The following NEBL variants were observed in gnomAD, a reference collection of about 807,000 sequenced individuals.
NEBL encodes the protein LIM and SH3 protein 2.
In NEBL, 122 loss-of-function variants were observed where a neutral mutation model predicts 140.2. The observed-to-expected ratio is 0.87, with a 90% confidence interval of 0.75 to 1.01. The LOEUF (loss-of-function observed/expected upper bound fraction) is 1.01. NEBL is among the 50% of genes least tolerant of loss of function. The probability of loss-of-function intolerance (pLI) is 0.00; values close to 1 mark genes in which losing one functional copy is unlikely to be tolerated. For synonymous variants in NEBL, 436 were observed against 398.9 expected, an observed-to-expected ratio of 1.09 and a Z score of -1.11; for missense variants, 1,365 against 1,231.3, an observed-to-expected ratio of 1.11 and a Z score of -1.62.
intron 26 of NEBL, among the ~76,000 whole-genome samples, chr10:20,803,903 A>G (rs1374982716): frequency 6.6e-6 from 1 of 150,594 alleles, no homozygotes; most frequent in African/African-American, 2.4e-5. Flanking sequence ...TGTCATTGAA[A>G]CATATCAAAA....
At chr10:20,969,082 C>A (rs939070034) in intron 3 of NEBL, among the ~76,000 whole-genome samples, 6 of 152,004 alleles carry the variant, frequency 3.9e-5, no homozygotes, top group African/African-American at 1.2e-4. Context: ...TAGTTTTGTA[C>A]GTTTAAGGTC....
intron 19 of NEBL, among the ~76,000 whole-genome samples, chr10:20,822,130 T>C (rs1004158245): frequency 1.3e-5 from 2 of 152,126 alleles, no homozygotes; most frequent in African/African-American, 4.8e-5. Flanking sequence ...CAAATAACAG[T>C]TATTGTAATG....
chr10:20,934,496 A>G (rs2131545054), intron 4 of NEBL, among the ~76,000 whole-genome samples: 1 of 152,250 alleles, frequency 6.6e-6, no homozygotes, highest in East Asian at 1.9e-4. Flanking sequence ...AGCCTGTGGA[A>G]TATGGATGGA....
intron 2 of NEBL, chr10:21,113,145 G>A: frequency 3.6e-6 from 1 of 281,312 alleles, no homozygotes; most frequent in Non-Finnish European, 6.8e-6. Flanking sequence ...AGGAGGAGGA[G>A]GAGATTTTGA....
At chr10:21,153,370 G>A (rs544410068) in intron 2 of NEBL, among the ~76,000 whole-genome samples, 1 of 144,036 alleles carries the variant, frequency 6.9e-6, no homozygotes, top group African/African-American at 2.6e-5. Flanking sequence ...ATCCAGGCTG[G>A]AGTGCAATGG....
intron 4 of NEBL, among the ~76,000 whole-genome samples, chr10:20,885,068 A>AAC (rs138077240): frequency 4.6e-5 from 7 of 152,096 alleles, no homozygotes; most frequent in African/African-American, 1.7e-4. Flanking sequence ...ACTTTAAGAT[A>AAC]AGTTTGTTTT....
chr10:20,930,706 T>C (rs1368504660), intron 4 of NEBL, among the ~76,000 whole-genome samples: 1 of 152,178 alleles, frequency 6.6e-6, no homozygotes, highest in Non-Finnish European at 1.5e-5. Flanking sequence ...ATAGACGGCT[T>C]CTACTTAGAC....
intron 12 of NEBL, among the ~76,000 whole-genome samples, chr10:20,842,372 GT>G (rs1330942616): frequency 6.6e-6 from 1 of 152,008 alleles, no homozygotes. Flanking sequence ...TTCTAGTAAT[GT>G]CAAAGGGCAA....
intron 2 of NEBL, among the ~76,000 whole-genome samples, chr10:21,108,181 A>C (rs540875537): frequency 6.6e-6 from 1 of 152,014 alleles, no homozygotes; most frequent in African/African-American, 2.4e-5. Context: ...CTCTGATCTT[A>C]GTTATTTCTT....
Position 20,951,869 on chromosome 10 carries a change from C to T in NEBL, c.357+9803G>A, listed in dbSNP as rs140877887. 7.6e-3 allele frequency among the ~76,000 whole-genome samples: 1,152 copies of T among 152,284 alleles called. 14 individuals are homozygous for T. Among genetic ancestry groups the T allele is most frequent in the African/African-American group, 0.026 (1,090 of 41,556 alleles). On this transcript the variant is annotated intron_variant, in intron 4 of 6. Coordinates refer to the NEBL transcript ENST00000417816. ...AGATACTTTCAAAGTTCTAAATCTG[C>T]ATCATGCACTGGAAATTGAGACGTG...
chr10:21,019,288 C>T (rs1473495897), intron 3 of NEBL, among the ~76,000 whole-genome samples: 1 of 152,226 alleles, frequency 6.6e-6, no homozygotes, highest in Non-Finnish European at 1.5e-5. Flanking sequence ...TCTCACTGCA[C>T]GTTAGTGCAA....
intron 10 of NEBL, among the ~76,000 whole-genome samples, chr10:20,851,568 G>A (rs925172121): frequency 2.7e-5 from 4 of 150,622 alleles, no homozygotes; most frequent in African/African-American, 7.3e-5. Context: ...AAGATCAGGA[G>A]TTTGAGACCA....
chr10:20,900,797 A>T (rs554278578), upstream of NEBL, among the ~76,000 whole-genome samples: 41 of 148,672 alleles, frequency 2.8e-4, no homozygotes, highest in East Asian at 8.0e-3. Flanking sequence ...GTGAGCCAAG[A>T]TCCTGCCACT....
upstream of NEBL, chr10:20,897,393 C>T: frequency 1.6e-5 from 22 of 1,386,770 alleles, no homozygotes; most frequent in Non-Finnish European, 2.0e-5. Context: ...AAAAGGATCC[C>T]AGAGGTCTAC....
rs1269265438 is a variant in NEBL at position 20,814,601 on chromosome 10, C to CACACACAT, written c.2242-566_2242-559dup. Among the ~76,000 whole-genome samples, 674 of 135,862 alleles carry CACACACAT rather than the reference C, an allele frequency of 5.0e-3. 6 individuals carry two copies. The highest frequency in any genetic ancestry group is 0.019 in the African/African-American group (650 of 34,392). The allele number at this position is 135,862 out of a possible 152,430, so 89.1% of individuals were successfully genotyped here. A position where few individuals can be genotyped will look rare whatever the true frequency, so the allele number is the denominator to read the frequency against. ...CGGGCAACAGAGACTGTGTCTCAAACACACACATACACACATACACACACA... is the reference window on the plus strand; with the variant it reads ...CGGGCAACAGAGACTGTGTCTCAAACACACACATACACACATACACACATACACACACA... On this transcript the variant is annotated intron_variant, in intron 22 of 27. Transcript: ENST00000377122.
rs1843380023 is a variant in NEBL, at chr10:20,858,892, G to T, written c.799-548C>A. On this transcript the variant is annotated intron_variant, in intron 8 of 27. Coordinates refer to ENST00000377122, the MANE Select transcript of NEBL (RefSeq NM_006393.3). ...CCTCTTTATTAAGTAGGTACTTTAA[G>T]TAGCCCCATTTTATAGATAAGAAAA... Among the ~76,000 whole-genome samples, 3 of 152,022 alleles carry T rather than the reference G, an allele frequency of 2.0e-5. No homozygotes were observed. In the South Asian group the frequency reaches 6.2e-4, roughly 31 times the overall value.
chr10:20,792,743 T>C (rs1039623474), intron 26 of NEBL, among the ~76,000 whole-genome samples: 3 of 151,206 alleles, frequency 2.0e-5, no homozygotes, highest in Admixed American at 2.0e-4. Context: ...GAGGTTGCAG[T>C]GAGCTGAGAT....
chr10:20,905,573 CG>C (rs1848058058), intron 4 of NEBL, among the ~76,000 whole-genome samples: 1 of 152,144 alleles, frequency 6.6e-6, no homozygotes, highest in Admixed American at 6.5e-5. Flanking sequence ...TCAACACATA[CG>C]GATTACAATT....
At chr10:21,268,337 T>C (rs1425152236) in intron 1 of NEBL, among the ~76,000 whole-genome samples, 2 of 151,838 alleles carry the variant, frequency 1.3e-5, no homozygotes, top group Non-Finnish European at 2.9e-5. Context: ...TAGCCTAGCA[T>C]AGTGGCATGG....
Sources: gnomAD v4.1 joint callset for allele counts (sites outside exome capture counted in the v4.1 genomes callset) on GRCh38, gnomAD v4.1.1 for gene constraint, MANE v1.5 for transcripts, NCBI Gene and HGNC (gene_info 2026-07-23, HGNC 2026-07-21) for gene names.